Variants in GAB2 observed in about 807,000 individuals in gnomAD.
The protein encoded by GAB2 is GRB2 associated binding protein 2.
Under a neutral mutation model 65.5 loss-of-function variants are expected in GAB2, and 26 were observed. That is an observed-to-expected ratio of 0.40 (90% CI 0.29 to 0.55). The LOEUF (loss-of-function observed/expected upper bound fraction) is 0.55. Among genes scored for constraint, GAB2 ranks in the 20% least tolerant of loss-of-function variants. GAB2 has a pLI of 0.53. For synonymous variants in GAB2, 321 were observed against 329.6 expected (o/e 0.97, Z 0.28); for missense variants, 884 against 875.8 (o/e 1.01, Z -0.12).
At chr11:78,394,834 G>A (rs967427653) in intron 1 of GAB2, among the ~76,000 whole-genome samples, 4 of 152,150 alleles carry the variant, frequency 2.6e-5, no homozygotes, top group African/African-American at 7.2e-5. Context: ...TGAAAGAGAC[G>A]AAAAGAACTA....
chr11:78,276,978 C>T (rs959914433), intron 2 of GAB2, among the ~76,000 whole-genome samples: 12 of 152,066 alleles, frequency 7.9e-5, no homozygotes, highest in African/African-American at 2.2e-4. Context: ...CCACCACGCC[C>T]GGCTATTTTT....
At chr11:78,410,197 T>G (rs1447404247) in intron 1 of GAB2, among the ~76,000 whole-genome samples, 6 of 152,100 alleles carry the variant, frequency 3.9e-5, no homozygotes, top group Non-Finnish European at 5.9e-5. Context: ...CTCAAATGAA[T>G]AAACTACTAT....
At chr11:78,406,728 G>C (rs1228166174) in intron 1 of GAB2, among the ~76,000 whole-genome samples, 1 of 152,116 alleles carries the variant, frequency 6.6e-6, no homozygotes, top group African/African-American at 2.4e-5. Context: ...CTCTCAAATG[G>C]AATGAAAAAG....
intron 1 of GAB2, among the ~76,000 whole-genome samples, chr11:78,287,649 ATTT>A (rs368184721): frequency 2.9e-5 from 4 of 136,708 alleles, no homozygotes; most frequent in Non-Finnish European, 1.6e-5. Flanking sequence ...TGCTCTTATC[ATTT>A]TTTTTTTTTT....
At chr11:78,329,750 T>C (rs1046475366) in intron 1 of GAB2, among the ~76,000 whole-genome samples, 52 of 152,310 alleles carry the variant, frequency 3.4e-4, no homozygotes, top group Non-Finnish European at 1.5e-5. Flanking sequence ...TCTGTTTGGA[T>C]TTTCTCAGCT....
At chr11:78,312,232 A>G (rs1220936447) in intron 1 of GAB2, among the ~76,000 whole-genome samples, 2 of 152,040 alleles carry the variant, frequency 1.3e-5, no homozygotes, top group African/African-American at 2.4e-5. Context: ...TCAATAAGAA[A>G]GTAAGAGGAA....
intron 2 of GAB2, among the ~76,000 whole-genome samples, chr11:78,265,735 A>T (rs577122038): frequency 1.3e-5 from 2 of 152,188 alleles, no homozygotes; most frequent in East Asian, 3.9e-4. Flanking sequence ...AGTACATGTT[A>T]TATGTTTCAA....
chr11:78,251,562 T>G (rs1865457032), intron 2 of GAB2, among the ~76,000 whole-genome samples: 1 of 152,222 alleles, frequency 6.6e-6, no homozygotes, highest in South Asian at 2.1e-4. Context: ...TCTCCACCCA[T>G]AAACAAGGCA....
chr11:78,230,522 C>T (rs768205563), intron 3 of GAB2, among the ~76,000 whole-genome samples: 3 of 152,270 alleles, frequency 2.0e-5, no homozygotes, highest in South Asian at 4.1e-4. Flanking sequence ...GTGCTTCCAT[C>T]GCAACACTCA....
At chr11:78,241,529 G>A (rs1398493396) in intron 3 of GAB2, among the ~76,000 whole-genome samples, 2 of 151,506 alleles carry the variant, frequency 1.3e-5, no homozygotes, top group Non-Finnish European at 2.9e-5. Context: ...AAAACTCAAT[G>A]AGGTACAAGA....
intron 1 of GAB2, among the ~76,000 whole-genome samples, chr11:78,370,702 T>C (rs1856558874): frequency 6.7e-6 from 1 of 148,470 alleles, no homozygotes; most frequent in South Asian, 2.1e-4. Context: ...TAATATTGTA[T>C]GTGTGTGTGC....
At chr11:78,370,016 G>T (rs886567094) in intron 1 of GAB2, among the ~76,000 whole-genome samples, 6 of 152,068 alleles carry the variant, frequency 3.9e-5, no homozygotes, top group African/African-American at 1.4e-4. Flanking sequence ...CCAGCACTTT[G>T]GGAGGCCGAG....
At chr11:78,386,157 G>A (rs1226322201) in intron 1 of GAB2, among the ~76,000 whole-genome samples, 1 of 152,168 alleles carries the variant, frequency 6.6e-6, no homozygotes, top group Non-Finnish European at 1.5e-5. Context: ...GTTAGGGACA[G>A]TTTCAATAGC....
intron 1 of GAB2, among the ~76,000 whole-genome samples, chr11:78,286,056 C>CCTTTGTTTCCCTTTGTTTCCCATCG (rs1866472465): frequency 6.6e-6 from 1 of 152,130 alleles, no homozygotes; most frequent in African/African-American, 2.4e-5. Flanking sequence ...CTCTTTCCCT[C>CCTTTGTTTCCCTTTGTTTCCCATCG]CTTTGTTTCC....
intron 1 of GAB2, among the ~76,000 whole-genome samples, chr11:78,319,075 C>T (rs1319785690): frequency 2.7e-5 from 4 of 150,108 alleles, no homozygotes; most frequent in East Asian, 2.0e-4. Flanking sequence ...CCCCAGAGGC[C>T]GCTGAGGTTG....
chr11:78,256,981 C>T (rs1270597738), intron 2 of GAB2, among the ~76,000 whole-genome samples: 1 of 151,934 alleles, frequency 6.6e-6, no homozygotes, highest in African/African-American at 2.4e-5. Context: ...CCCACAAATG[C>T]CTGAGTCAAT....
chr11:78,404,029 C>A (rs1179503302), intron 1 of GAB2, among the ~76,000 whole-genome samples: 4 of 151,920 alleles, frequency 2.6e-5, no homozygotes, highest in African/African-American at 9.7e-5. Context: ...AGTACAGCCC[C>A]CATAGAGAAC....
intron 1 of GAB2, among the ~76,000 whole-genome samples, chr11:78,357,895 C>T (rs563472547): frequency 1.3e-5 from 2 of 152,306 alleles, no homozygotes; most frequent in East Asian, 3.9e-4. Context: ...GGCAATTCCT[C>T]AAGGATCTAG....
chr11:78,350,687 CTG>C (rs1304025253), intron 1 of GAB2, among the ~76,000 whole-genome samples: 1 of 152,180 alleles, frequency 6.6e-6, no homozygotes, highest in East Asian at 1.9e-4. Flanking sequence ...CTAAAACAAA[CTG>C]TGATGTTTTC....
Sources: gnomAD v4.1 joint callset for allele counts (sites outside exome capture counted in the v4.1 genomes callset) on GRCh38, gnomAD v4.1.1 for gene constraint, MANE v1.5 for transcripts, NCBI Gene and HGNC (gene_info 2026-07-23, HGNC 2026-07-21) for gene names.